The following AKAP11 variants were observed in gnomAD, a reference collection of about 807,000 sequenced individuals.
AKAP11 encodes the protein A-kinase anchor protein 11.
Under a neutral mutation model 146.1 loss-of-function variants are expected in AKAP11, and 36 were observed. The observed-to-expected ratio is 0.25, with a 90% CI of 0.19 to 0.33. The LOEUF (loss-of-function observed/expected upper bound fraction) is 0.33, where lower values mean the gene tolerates loss of function less well. Ranked by LOEUF, AKAP11 falls within the 10% of genes least tolerant of loss-of-function variation. AKAP11 has a pLI of 1.00. For synonymous variants in AKAP11, 780 were observed against 786.5 expected (o/e 0.99, Z 0.14); for missense variants, 2,201 against 2,197.0 (o/e 1.00, Z -0.04).
chr13:42,279,910 A>G (rs1233935225), intron 1 of AKAP11, among the ~76,000 whole-genome samples: 1 of 152,148 alleles, frequency 6.6e-6, no homozygotes, highest in Admixed American at 6.5e-5. Flanking sequence ...ACAGTTTTTA[A>G]CGTAGTGCTG....
chr13:42,314,061 G>T lies in AKAP11; in HGVS notation c.5404+121G>T, dbSNP rs1054397966. ...TCAGTGTAAAACATTATAAATCAGG[G>T]TATTCTTGAACTAATTTTGTTTGTC... is the stretch of plus-strand genomic sequence containing the variant. On this transcript the variant is annotated intron_variant, in intron 11 of 12. Transcript: ENST00000025301. The T allele has an allele frequency of 7.4e-6, 7 of 951,418 alleles. No homozygotes were observed. In the African/African-American group the frequency reaches 8.3e-5, roughly 11 times the overall value. 58.9% of individuals were successfully genotyped at this position (951,418 alleles called of 1,614,324 possible). A position where few individuals can be genotyped will look rare whatever the true frequency, so the allele number is the denominator to read the frequency against.
intron 1 of AKAP11, among the ~76,000 whole-genome samples, chr13:42,279,562 C>T (rs1959013424): frequency 6.6e-6 from 1 of 152,070 alleles, no homozygotes; most frequent in South Asian, 2.1e-4. Context: ...TTTGTATCTT[C>T]TCCTTCTCTC....
In AKAP11 at chr13:42,292,462, G is replaced by A; in HGVS notation, c.129G>A (p.Glu43=). 6.3e-7 allele frequency: 1 copy of A among 1,588,810 alleles called. No homozygotes were observed. The highest frequency in any genetic ancestry group is 1.2e-5 in the South Asian group (1 of 86,666). ...AGGAACTATGCAGTGTAACAGCAGA[G>A]GACTGTTTACAGCAGGATGAGCATG... is the stretch of plus-strand genomic sequence containing the variant. ...SQKELCSVTA[E]DCLQQDEHAN... is the part of the protein sequence containing the mutation. Residue 43 remains glutamate (E), a synonymous_variant, in exon 4 of 13, where the codon GAG becomes GAA. Transcript: ENST00000025301.
Position 42,298,570 on chromosome 13 carries a change from C to T in AKAP11, c.389C>T (p.Ser130Leu). The T allele has an allele frequency of 1.2e-6, 2 of 1,611,878 alleles. No homozygotes were observed. The highest frequency in any genetic ancestry group is 1.7e-6 in the Non-Finnish European group (2 of 1,179,098). Residue 130 changes from serine (S) to leucine (L), a missense_variant, in exon 7 of 13, where the codon TCA (serine) becomes TTA (leucine). Ser to Leu is a moderately radical substitution (Grantham distance 145). Transcript: ENST00000025301. ...PSGMLCVMRV[S>L]PTSPRLRIDF... ...GGAATGCTTTGTGTCATGAGAGTGT[C>T]ACCTACATCACCAAGACTTAGGATT...
Position 42,317,666 on chromosome 13 carries a change from C to T in AKAP11, c.5543C>T (p.Ser1848Phe), listed in dbSNP as rs910301130. 6.2e-6 allele frequency: 10 copies of T among 1,613,868 alleles called. No individual in the cohort carries two copies. The African/African-American group carries it at 1.2e-4, about 19-fold the overall frequency. ...AEVAELYFHD[S>F]ANKEFMLLSK... ...GTTGCAGAACTTTATTTTCATGACT[C>T]TGCAAATAAGGAGTTTATGCTAGTA... Residue 1848 changes from serine (S) to phenylalanine (F), a missense_variant, in exon 12 of 13, where the codon TCT becomes TTT. Coordinates refer to ENST00000025301, the MANE Select transcript of AKAP11 (RefSeq NM_016248.4).
Position 42,300,291 on chromosome 13 carries a change from T to G in AKAP11, c.1545T>G (p.Ile515Met). 1 of 1,613,330 alleles carries G rather than the reference T, an allele frequency of 6.2e-7. No homozygotes were observed. Among genetic ancestry groups the G allele is most frequent in the Non-Finnish European group, 8.5e-7 (1 of 1,179,566 alleles). Residue 515 changes from isoleucine (I) to methionine (M), a missense_variant, in exon 8 of 13, where the codon ATT becomes ATG. By Grantham distance (10) the Ile-to-Met change is conservative. Coordinates refer to ENST00000025301, the MANE Select transcript of AKAP11 (RefSeq NM_016248.4). ...RTHHTNTLSN[I>M]NSIKHGENKT... ...ACCATACTAATACCCTATCAAATAT[T>G]AACAGTATTAAACATGGAGAAAATA...
chr13:42,309,446 A>G (rs1960443678), intron 9 of AKAP11, among the ~76,000 whole-genome samples: 1 of 152,216 alleles, frequency 6.6e-6, no homozygotes, highest in African/African-American at 2.4e-5. Flanking sequence ...GCCCCTGGAA[A>G]TGGCAAACTA....
Position 42,301,598 on chromosome 13 carries a change from T to C in AKAP11, c.2852T>C (p.Ile951Thr), listed in dbSNP as rs1288681540. Residue 951 changes from isoleucine to threonine, a missense_variant, in exon 8 of 13, where the codon ATA (isoleucine) becomes ACA (threonine). By Grantham distance (89) the Ile-to-Thr change is moderately conservative (BLOSUM62 -1). Around this residue, in one of 3 missense-constraint regions of AKAP11, gnomAD observed 1,867 missense variants for 1,833.5 expected, o/e 1.02. Coordinates refer to ENST00000025301, the MANE Select transcript of AKAP11 (RefSeq NM_016248.4). ...TCTAAATCTATTATTAAACATTCCA[T>C]AGATAAGAGCAAATCAGTGATCCCA... ...RLSKSIIKHSIDKSKSVIPNI... is the reference protein window; with the variant it reads ...RLSKSIIKHSTDKSKSVIPNI... 2 of 1,613,996 alleles carry C rather than the reference T, an allele frequency of 1.2e-6. No homozygotes were observed. Among genetic ancestry groups the C allele is most frequent in the Admixed American group, 1.7e-5 (1 of 59,996 alleles).
At chr13:42,272,787 A>G (rs1156395641) in intron 1 of AKAP11, among the ~76,000 whole-genome samples, 1 of 152,196 alleles carries the variant, frequency 6.6e-6, no homozygotes, top group Admixed American at 6.5e-5. Context: ...TTTGCTGTCA[A>G]ATACTCTCCT....
chr13:42,308,702 T>G, intron 9 of AKAP11, 93 bp downstream of exon 9: 2 of 982,748 alleles, frequency 2.0e-6, no homozygotes, highest in Non-Finnish European at 2.8e-6. Flanking sequence ...AATTCTAAAT[T>G]TGAAAATATG....
rs1366283753 is a variant in AKAP11 at position 42,305,980 on chromosome 13, A to G, written c.5117+2117A>G. ...CTCTCATGAGAACTCCCTCACTGTCATGAGAACAGCATGGAGGAAGCCGCC... is the reference window on the plus strand; with the variant it reads ...CTCTCATGAGAACTCCCTCACTGTCGTGAGAACAGCATGGAGGAAGCCGCC... On this transcript the variant is annotated intron_variant, in intron 8 of 12. Transcript: ENST00000025301. Among the ~76,000 whole-genome samples the G allele has an allele frequency of 2.6e-5, 4 of 152,304 alleles. No individual in the cohort carries two copies. The East Asian group carries it at 7.7e-4, about 29-fold the overall frequency.
intron 4 of AKAP11, among the ~76,000 whole-genome samples, chr13:42,293,509 T>C (rs760002487): frequency 2.6e-5 from 4 of 152,226 alleles, no homozygotes; most frequent in Admixed American, 1.3e-4. Context: ...CACTATTATT[T>C]TCTTTGCTAA....
Position 42,313,039 on chromosome 13 carries a change from T to C in AKAP11, c.5274-8T>C. On this transcript the variant is annotated splice_polypyrimidine_tract_variant and splice_region_variant and intron_variant, in intron 9 of 12. Coordinates refer to ENST00000025301, the MANE Select transcript of AKAP11 (RefSeq NM_016248.4). The stretch of plus-strand genomic sequence containing the variant: ...TAGTTCAGCTCTGTTCTTTTCTTCC[T>C]CTGGCAGTAATGGTAACAGCAGTAG... 1 of 1,611,166 alleles carries C rather than the reference T, an allele frequency of 6.2e-7. No homozygotes were observed. Among genetic ancestry groups the C allele is most frequent in the Non-Finnish European group, 8.5e-7 (1 of 1,178,018 alleles).
chr13:42,294,296 C>T (rs1333033596), intron 4 of AKAP11, among the ~76,000 whole-genome samples: 3 of 152,182 alleles, frequency 2.0e-5, no homozygotes, highest in Non-Finnish European at 2.9e-5. Flanking sequence ...GTTTACTACA[C>T]TGTCTTCAAA....
At chr13:42,297,314 A>G (rs867285009) in intron 6 of AKAP11, 132 bp downstream of exon 6, 26 of 617,858 alleles carry the variant, frequency 4.2e-5, no homozygotes, top group Middle Eastern at 5.0e-4. Context: ...AATATGATTC[A>G]TAAGAAATAT....
chr13:42,309,886 A>G (rs1960466765), intron 9 of AKAP11, among the ~76,000 whole-genome samples: 1 of 152,226 alleles, frequency 6.6e-6, no homozygotes, highest in African/African-American at 2.4e-5. Context: ...GGCTTTAAGC[A>G]TTAAGAGGAC....
chr13:42,307,530 G>A (rs893172845), intron 8 of AKAP11, among the ~76,000 whole-genome samples: 1 of 152,154 alleles, frequency 6.6e-6, no homozygotes, highest in African/African-American at 2.4e-5. Flanking sequence ...CTGGCAAAGT[G>A]ATACTTGAGC....
At chr13:42,312,909 C>G in intron 9 of AKAP11, 138 bp from the exon 10 acceptor site, 1 of 685,214 alleles carries the variant, frequency 1.5e-6, no homozygotes, top group Non-Finnish European at 2.5e-6. Flanking sequence ...TGGTCAATCT[C>G]CTCTCTGGAT....
intron 8 of AKAP11, among the ~76,000 whole-genome samples, chr13:42,306,919 C>G (rs1033001244): frequency 6.6e-6 from 1 of 152,152 alleles, no homozygotes; most frequent in African/African-American, 2.4e-5. Flanking sequence ...TTCCTGAGCT[C>G]AAGCAATCCT....
Sources: gnomAD v4.1 joint callset for allele counts (sites outside exome capture counted in the v4.1 genomes callset) on GRCh38, gnomAD v4.1.1 for gene constraint, gnomAD v4.1.1 regional missense constraint, MANE v1.5 for transcripts, NCBI Gene and HGNC (gene_info 2026-07-23, HGNC 2026-07-21) for gene names.